GCN1: variants seen among roughly 807,000 people sequenced by gnomAD.
GCN1 encodes the protein stalled ribosome sensor GCN1.
A neutral mutation model predicts 288.4 loss-of-function variants in GCN1; 90 were observed. The ratio of observed to expected loss-of-function variants is 0.31; its 90% confidence interval spans 0.26 to 0.37. The LOEUF is 0.37. Ranked by LOEUF, GCN1 falls within the 10% of genes least tolerant of loss-of-function variation. The pLI is 1.00. For synonymous variants in GCN1, 1,386 were observed against 1,420.2 expected (o/e 0.98, Z 0.54); for missense variants, 2,586 against 3,419.9 (o/e 0.76, Z 6.08).
chr12:120,148,964 C>G (rs918535081), intron 36 of GCN1, among the ~76,000 whole-genome samples: 8 of 151,718 alleles, frequency 5.3e-5, no homozygotes, highest in Non-Finnish European at 1.0e-4. Flanking sequence ...GGACTACAGG[C>G]ATGCACCACC....
At chr12:120,130,564 C>T (rs1257696247) in intron 56 of GCN1, 82 bp downstream of exon 56, 10 of 869,890 alleles carry the variant, frequency 1.1e-5, no homozygotes, top group Non-Finnish European at 1.8e-5. Flanking sequence ...TAGTTGAGGG[C>T]GCACTGCTGG....
chr12:120,141,009 T>G lies in GCN1; in HGVS notation c.5844A>C (p.Thr1948=). The G allele has an allele frequency of 6.2e-7, 1 of 1,613,292 alleles. No individual in the cohort carries two copies. Among genetic ancestry groups the G allele is most frequent in the South Asian group, 1.1e-5 (1 of 90,952 alleles). The change falls in exon 45 of 58, where the codon ACA becomes ACC. Residue 1948 remains threonine (T), a synonymous_variant. Coordinates refer to ENST00000300648, the MANE Select transcript of GCN1 (RefSeq NM_006836.2). The part of the protein sequence containing the change: ...CADKRTIAAR[T]LGDLVRKLGE... ...CTAACTTCCGCACAAGATCTCCCAA[T>G]GTTCTCGCTGCAATCTGTCAACAGA... is the stretch of plus-strand genomic sequence containing the variant.
At chr12:120,165,000 TATACACAC>T (rs1301486593) in intron 16 of GCN1, among the ~76,000 whole-genome samples, 84 of 62,412 alleles carry the variant, frequency 1.3e-3, no homozygotes, top group African/African-American at 4.1e-3. Context: ...TATACACATA[TATACACAC>T]ACACACACAC....
chr12:120,194,705 G>C lies in GCN1; in HGVS notation c.-8C>G. 1 of 1,509,952 alleles carries C rather than the reference G, an allele frequency of 6.6e-7. No individual in the cohort carries two copies. Among genetic ancestry groups the C allele is most frequent in the African/African-American group, 1.4e-5 (1 of 69,496 alleles). The allele number at this position is 1,509,952 out of a possible 1,614,324, so 93.5% of individuals were successfully genotyped here. On this transcript the variant is annotated 5_prime_UTR_variant, in exon 1 of 58. Coordinates refer to ENST00000300648, the MANE Select transcript of GCN1 (RefSeq NM_006836.2). ...CTGCGTGTCCGCCGCCATCCTGCCG[G>C]GGCTGACTCCGGAACCGCTTCCGGA... is the stretch of plus-strand genomic sequence containing the variant.
chr12:120,133,102 G>A (rs1420225480), intron 53 of GCN1, among the ~76,000 whole-genome samples: 2 of 152,264 alleles, frequency 1.3e-5, no homozygotes. Flanking sequence ...GGCTGGGGCT[G>A]GAGTCCGACA....
intron 38 of GCN1, among the ~76,000 whole-genome samples, chr12:120,146,391 C>A (rs994627172): frequency 1.3e-5 from 2 of 151,760 alleles, no homozygotes; most frequent in Non-Finnish European, 2.9e-5. Flanking sequence ...TGCTCTGTCA[C>A]CCCAGGCTGG....
Position 120,142,462 on chromosome 12 carries a change from G to A in GCN1, c.5829+45C>T, listed in dbSNP as rs1357824160. The A allele has an allele frequency of 2.1e-6, 3 of 1,420,920 alleles. No homozygotes were observed. Among genetic ancestry groups the A allele is most frequent in the Non-Finnish European group, 3.0e-6 (3 of 1,005,202 alleles). The allele number at this position is 1,420,920 out of a possible 1,614,324, so 88.0% of individuals were successfully genotyped here. On this transcript the variant is annotated intron_variant, in intron 44 of 57. Coordinates refer to ENST00000300648, the MANE Select transcript of GCN1 (RefSeq NM_006836.2). The surrounding 1 kb of genome is among the most constrained non-coding windows in gnomAD (Gnocchi z 4.9). The stretch of plus-strand genomic sequence containing the variant: ...GACCCAGCCTTCTAGGCTCTGAAAG[G>A]AGGCACTGGGGCTGCTGGTCCAAAA...
intron 16 of GCN1, among the ~76,000 whole-genome samples, chr12:120,165,000 T>TACACAC (rs1172798134): frequency 0.01 from 635 of 62,312 alleles, 3 homozygotes; most frequent in South Asian, 0.031. Flanking sequence ...TATACACATA[T>TACACAC]ATACACACAC....
rs1296267756 is a variant in GCN1 at position 120,150,008 on chromosome 12, G to A, written c.4345C>T (p.Leu1449=). 1 of 1,614,110 alleles carries A rather than the reference G, an allele frequency of 6.2e-7. No individual in the cohort carries two copies. Among genetic ancestry groups the A allele is most frequent in the Non-Finnish European group, 8.5e-7 (1 of 1,179,978 alleles). The change falls in exon 35 of 58, where the codon CTG becomes TTG. Residue 1449 remains leucine (L), a synonymous_variant. Transcript: ENST00000300648. ...LFAFEMLCTM[L]GKLFEPYVVH... is the part of the protein sequence containing the mutation. ...ACATACGGCTCAAAAAGTTTCCCCA[G>A]CATGGTGCAGAGCATCTCGAAGGCA...
At position 120,145,315 on chromosome 12, in the gene GCN1, G is replaced by A; in HGVS notation, c.4963C>T (p.Leu1655=). ...LTDQKDLAPY[L]PSVTPGLKAS... ...TTCAGGCCAGGCGTCACGCTGGGCA[G>A]GTACGGAGCCAAGTCCTGCAACAAC... The change falls in exon 39 of 58, where the codon CTG becomes TTG. Residue 1655 remains leucine (L), a synonymous_variant. Transcript: ENST00000300648. 1 of 1,591,760 alleles carries A rather than the reference G, an allele frequency of 6.3e-7. No individual in the cohort carries two copies.
intron 16 of GCN1, among the ~76,000 whole-genome samples, chr12:120,166,570 G>A (rs1196618873): frequency 6.6e-6 from 1 of 151,356 alleles, no homozygotes; most frequent in Non-Finnish European, 1.5e-5. Context: ...CAGGCGTGGC[G>A]GCATGCACCT....
chr12:120,172,880 G>T (rs1201839294), intron 14 of GCN1, among the ~76,000 whole-genome samples: 1 of 152,060 alleles, frequency 6.6e-6, no homozygotes, highest in South Asian at 2.1e-4. Flanking sequence ...TCTCTGAGAT[G>T]GAAATCAGTA....
At position 120,158,100 on chromosome 12, in the gene GCN1, A is replaced by G. The variant is rs371503761; in HGVS notation, c.2906-70T>C. The G allele has an allele frequency of 6.3e-5, 93 of 1,481,650 alleles. 3 individuals carry two copies. The East Asian group carries it at 1.7e-3, about 27-fold the overall frequency. The allele number at this position is 1,481,650 out of a possible 1,614,324, so 91.8% of individuals were successfully genotyped here. On this transcript the variant is annotated intron_variant, in intron 25 of 57. Coordinates refer to ENST00000300648, the MANE Select transcript of GCN1 (RefSeq NM_006836.2). The surrounding 1 kb of genome is among the most constrained non-coding windows in gnomAD (Gnocchi z 4.3). ...ACCCGGGCCACTGCTGCCTATTTCTATCCTCAGGGAAAGTAGGGAACGGAT... is the reference window on the plus strand; with the variant it reads ...ACCCGGGCCACTGCTGCCTATTTCTGTCCTCAGGGAAAGTAGGGAACGGAT...
Position 120,138,765 on chromosome 12 carries a change from A to G in GCN1, c.6086T>C (p.Phe2029Ser). 1 of 1,614,222 alleles carries G rather than the reference A, an allele frequency of 6.2e-7. No individual in the cohort carries two copies. Among genetic ancestry groups the G allele is most frequent in the Non-Finnish European group, 8.5e-7 (1 of 1,180,014 alleles). ...EEVREAAAKTFEQLHSTIGHQ... is the reference protein window; with the variant it reads ...EEVREAAAKTSEQLHSTIGHQ... ...GCCGATGGTGGAATGCAGCTGCTCG[A>G]AAGTCTTGGCTGCCGCCTCTCTGAC... The change falls in exon 46 of 58, where the codon TTC becomes TCC. Residue 2029 changes from phenylalanine to serine, a missense_variant. Physicochemically the swap from Phe to Ser is radical, Grantham distance 155 (BLOSUM62 -2). Coordinates refer to ENST00000300648, the MANE Select transcript of GCN1 (RefSeq NM_006836.2).
At chr12:120,132,587 T>C (rs529480566) in intron 53 of GCN1, among the ~76,000 whole-genome samples, 2 of 152,248 alleles carry the variant, frequency 1.3e-5, no homozygotes, top group South Asian at 4.2e-4. Context: ...GAAGTCAAAC[T>C]AAAGCCACTA....
chr12:120,163,222 T>G lies in GCN1; in HGVS notation c.1886A>C (p.Glu629Ala), dbSNP rs1189241584. ...GTAGGCCTTGCCTGCCTCAGTCACC[T>G]CTCCAGCATCAGTCACCAAAGCCTC... ...PLEALVTDAG[E>A]VTEAGKAYVP... is the part of the protein sequence containing the mutation. Residue 629 changes from glutamate (E) to alanine (A), a missense_variant, in exon 19 of 58, where the codon GAG (glutamate) becomes GCG (alanine). Glu to Ala is a moderately radical substitution (Grantham distance 107). This residue lies in a region of GCN1 where 913 missense variants were observed against 1,107.0 expected (regional missense o/e 0.82). Coordinates refer to ENST00000300648, the MANE Select transcript of GCN1 (RefSeq NM_006836.2). 6.2e-7 allele frequency: 1 copy of G among 1,613,822 alleles called. No individual in the cohort carries two copies. The highest frequency in any genetic ancestry group is 8.5e-7 in the Non-Finnish European group (1 of 1,179,962).
At chr12:120,141,923 C>T (rs1332942260) in intron 44 of GCN1, among the ~76,000 whole-genome samples, 1 of 152,194 alleles carries the variant, frequency 6.6e-6, no homozygotes. Context: ...GATTAATATC[C>T]ATCTCCTCGA....
Position 120,153,407 on chromosome 12 carries a change from C to T in GCN1, c.3868G>A (p.Glu1290Lys), listed in dbSNP as rs924727651. Residue 1290 changes from glutamate to lysine, a missense_variant and splice_region_variant, in exon 33 of 58, where the codon GAG becomes AAG. By Grantham distance (56) the Glu-to-Lys change is moderately conservative (BLOSUM62 1). Transcript: ENST00000300648. The surrounding 1 kb of genome is among the most constrained non-coding windows in gnomAD (Gnocchi z 4.4). ...ACTGGCAACAGCGAGTTGACGTTCTCCTGGAAAGCCAAACCCCTCAGAGCC... is the reference window on the plus strand; with the variant it reads ...ACTGGCAACAGCGAGTTGACGTTCTTCTGGAAAGCCAAACCCCTCAGAGCC... ...ALATLNTHGK[E>K]NVNSLLPVFE... 2 of 1,613,558 alleles carry T rather than the reference C, an allele frequency of 1.2e-6. No individual in the cohort carries two copies. Among genetic ancestry groups the T allele is most frequent in the African/African-American group, 1.3e-5 (1 of 74,914 alleles).
At chr12:120,138,114 G>A (rs1877072769) in intron 47 of GCN1, 70 bp from the exon 48 acceptor site, 8 of 1,443,434 alleles carry the variant, frequency 5.5e-6, no homozygotes, top group African/African-American at 2.8e-5. Flanking sequence ...GGGAACAGAC[G>A]GGTGGGCAAG....
Sources: gnomAD v4.1 joint callset for allele counts (sites outside exome capture counted in the v4.1 genomes callset) on GRCh38, gnomAD v4.1.1 for gene constraint, gnomAD v4.1.1 regional missense constraint, Gnocchi (gnomAD v3.1) non-coding constraint, MANE v1.5 for transcripts, NCBI Gene and HGNC (gene_info 2026-07-23, HGNC 2026-07-21) for gene names.